Variants in MSLN observed in about 807,000 individuals in gnomAD.
MSLN encodes mesothelin, also known as CAK1 antigen.
In MSLN, 82 loss-of-function variants were observed where a neutral mutation model predicts 72.6. That is an observed-to-expected ratio of 1.13 (90% confidence interval 0.94 to 1.36). MSLN has a LOEUF of 1.36. MSLN is among the 40% of genes most tolerant of loss of function. The pLI, the probability that MSLN is intolerant of heterozygous loss-of-function variation, is 0.00. For missense variants in MSLN, 1,005 were observed against 847.9 expected (o/e 1.19, Z -2.30); for synonymous variants, 456 against 387.3 (o/e 1.18, Z -2.08).
intron 13 of MSLN, 70 bp downstream of exon 13, chr16:766,560 G>A: frequency 6.2e-7 from 1 of 1,609,168 alleles, no homozygotes; most frequent in Non-Finnish European, 8.5e-7. Flanking sequence ...GGGGGACAAA[G>A]CCTGAGGTTG....
intron 16 of MSLN, 53 bp downstream of exon 16, chr16:767,523 C>T (rs548944462): frequency 1.7e-4 from 131 of 764,106 alleles, no homozygotes; most frequent in South Asian, 2.2e-4. Flanking sequence ...GGAGGAGGGG[C>T]GAGTGGGAGG....
rs1306986468 is a variant in MSLN, at chr16:767,431, C to G, written c.1557C>G (p.Asp519Glu). 1 of 1,572,856 alleles carries G rather than the reference C, an allele frequency of 6.4e-7. No homozygotes were observed. Among genetic ancestry groups the G allele is most frequent in the Non-Finnish European group, 8.6e-7 (1 of 1,159,822 alleles). The change falls in exon 16 of 18, where the codon GAC (aspartate) becomes GAG (glutamate). Residue 519 changes from aspartate (D) to glutamate (E), a missense_variant. Transcript: ENST00000545450. Reference sequence around the variant, plus strand: ...TCAGTCAGCAGAATGTGAGCATGGACTTGGCCACGTTCATGAAGCTGCGGA... The same window carrying G: ...TCAGTCAGCAGAATGTGAGCATGGAGTTGGCCACGTTCATGAAGCTGCGGA... Reference protein sequence around the residue: ...KALSQQNVSMDLATFMKLRTD... With the variant: ...KALSQQNVSMELATFMKLRTD...
Position 765,240 on chromosome 16 carries a change from C to A in MSLN, c.641C>A (p.Pro214His), listed in dbSNP as rs755174160. The A allele has an allele frequency of 1.9e-6, 3 of 1,584,450 alleles. No individual in the cohort carries two copies. Among genetic ancestry groups the A allele is most frequent in the Admixed American group, 3.5e-5 (2 of 57,574 alleles). The change falls in exon 9 of 18, where the codon CCC becomes CAC. Residue 214 changes from proline (P) to histidine (H), a missense_variant. Transcript: ENST00000545450. ...CCCCGGCTGGTGAGCTGCCCGGGACCCCTGGACCAGGACCAGCAGGAGGCA... is the reference window on the plus strand; with the variant it reads ...CCCCGGCTGGTGAGCTGCCCGGGACACCTGGACCAGGACCAGCAGGAGGCA... The part of the protein sequence containing the change: ...LLPRLVSCPG[P>H]LDQDQQEAAR...
Position 766,564 on chromosome 16 carries a change from G to A in MSLN, c.1230+74G>A, listed in dbSNP as rs910086915. 16 of 1,608,832 alleles carry A rather than the reference G, an allele frequency of 9.9e-6. No individual in the cohort carries two copies. The Admixed American group carries it at 2.3e-4, about 23-fold the overall frequency. On this transcript the variant is annotated intron_variant, in intron 13 of 17. Coordinates refer to ENST00000545450, the MANE Select transcript of MSLN (RefSeq NM_005823.6). ...AGGGGCAGAGTGGGGGACAAAGCCT[G>A]AGGTTGGGCGGGCCTGGGGTCAGGG... is the stretch of plus-strand genomic sequence containing the variant.
rs763130228 is a variant in MSLN, at chr16:765,534, T to C, written c.712T>C (p.Ser238Pro). The C allele has an allele frequency of 1.2e-4, 198 of 1,605,408 alleles. No individual in the cohort carries two copies. The highest frequency in any genetic ancestry group is 1.6e-4 in the Non-Finnish European group (191 of 1,178,694). The change falls in exon 10 of 18, where the codon TCG becomes CCG. Residue 238 changes from serine (S) to proline (P), a missense_variant. Ser to Pro is a moderately conservative substitution (Grantham distance 74). Transcript: ENST00000545450. ...QGGGPPYGPP[S>P]TWSVSTMDAL... The stretch of plus-strand genomic sequence containing the variant: ...TGTCCCGTGTCTGCACAGCCCCCCG[T>C]CGACATGGTCTGTCTCCACGATGGA...
At chr16:765,370 T>C (rs7197395) in intron 9 of MSLN, 67 bp downstream of exon 9, 463,748 of 1,461,710 alleles carry the variant, frequency 0.32, 86,442 homozygotes, top group African/African-American at 0.8. Flanking sequence ...GTGAGGACAC[T>C]TGCGGCCATG....
At chr16:761,441 C>T (rs971597466) in intron 2 of MSLN, among the ~76,000 whole-genome samples, 3 of 152,216 alleles carry the variant, frequency 2.0e-5, no homozygotes, top group African/African-American at 7.2e-5. Context: ...CCATGGCCTG[C>T]AGAGGCCCCT....
chr16:762,232 C>T (rs1365424533), intron 2 of MSLN, among the ~76,000 whole-genome samples: 1 of 152,230 alleles, frequency 6.6e-6, no homozygotes, highest in Non-Finnish European at 1.5e-5. Flanking sequence ...CTGGGGTGTT[C>T]ACAAAGCCCA....
intron 4 of MSLN, 39 bp downstream of exon 4, chr16:763,315 G>T: frequency 6.8e-7 from 1 of 1,478,476 alleles, no homozygotes; most frequent in South Asian, 1.2e-5. Context: ...GGGTCTTCAG[G>T]TCCCAGGTGG....
intron 7 of MSLN, 26 bp from the exon 8 acceptor site, chr16:764,865 GTGTGATCAGTGCGGCC>G: frequency 6.2e-7 from 1 of 1,604,938 alleles, no homozygotes; most frequent in South Asian, 1.1e-5. Flanking sequence ...GTGGGGACGG[GTGTGATCAGTGCGGCC>G]TGTCCCCAGC....
intron 15 of MSLN, 148 bp downstream of exon 15, chr16:767,160 G>A (rs1187906408): frequency 3.0e-6 from 4 of 1,344,590 alleles, no homozygotes; most frequent in East Asian, 2.4e-5. Context: ...GGGTGTGTAT[G>A]GCCTTAGGGG....
intron 5 of MSLN, 122 bp from the exon 6 acceptor site, chr16:763,901 G>C: frequency 7.5e-7 from 1 of 1,341,418 alleles, no homozygotes; most frequent in Non-Finnish European, 1.0e-6. Context: ...GGTCTTGGGG[G>C]GAGGTCTGCA....
chr16:762,667 C>T lies in MSLN; in HGVS notation c.-9-5C>T, dbSNP rs1216246062. ...GGTCCCATCCTGAGTCACTGCCCTC[C>T]ACAGACACAGACCATGGCCTTGCCA... is the stretch of plus-strand genomic sequence containing the variant. On this transcript the variant is annotated splice_region_variant and splice_polypyrimidine_tract_variant and intron_variant, in intron 2 of 17. Transcript: ENST00000545450. 1 of 1,609,830 alleles carries T rather than the reference C, an allele frequency of 6.2e-7. No homozygotes were observed. Among genetic ancestry groups the T allele is most frequent in the Non-Finnish European group, 8.5e-7 (1 of 1,177,424 alleles).
At chr16:762,585 C>T in intron 2 of MSLN, 87 bp from the exon 3 acceptor site, 3 of 1,011,630 alleles carry the variant, frequency 3.0e-6, no homozygotes, top group Non-Finnish European at 4.6e-6. Context: ...GGGAGCCCCT[C>T]CTGGGCCCAT....
rs781541189 is a variant in MSLN, at chr16:768,842, G to T, written c.*109G>T. ...CAAGAGAACTCGCGCTCAGTAAACG[G>T]GAACATGCCCCCTGCAGACACGTCT... On this transcript the variant is annotated 3_prime_UTR_variant, in exon 18 of 18. Coordinates refer to ENST00000545450, the MANE Select transcript of MSLN (RefSeq NM_005823.6). 5 of 1,040,058 alleles carry T rather than the reference G, an allele frequency of 4.8e-6. No individual in the cohort carries two copies. In the South Asian group the frequency reaches 6.6e-5, roughly 14 times the overall value. The allele number at this position is 1,040,058 out of a possible 1,614,324, so 64.4% of individuals were successfully genotyped here. A position where few individuals can be genotyped will look rare whatever the true frequency, so the allele number is the denominator to read the frequency against.
Position 764,924 on chromosome 16 carries a change from G to A in MSLN, c.398G>A (p.Gly133Glu). Reference protein sequence around the residue: ...LLFLNPDAFSGPQACTRFFSR... With the variant: ...LLFLNPDAFSEPQACTRFFSR... ...CTTCACAGCCCAGATGCGTTCTCGG[G>A]GCCCCAGGCCTGCACCCGTTTCTTC... Residue 133 changes from glycine to glutamate, a missense_variant, in exon 8 of 18, where the codon GGG (glycine) becomes GAG (glutamate). Gly to Glu is a moderately conservative substitution (Grantham distance 98). Coordinates refer to ENST00000545450, the MANE Select transcript of MSLN (RefSeq NM_005823.6). 1.2e-6 allele frequency: 2 copies of A among 1,612,016 alleles called. No individual in the cohort carries two copies. Among genetic ancestry groups the A allele is most frequent in the Non-Finnish European group, 1.7e-6 (2 of 1,179,594 alleles).
chr16:768,451 CG>C lies in MSLN; in HGVS notation c.1670del (p.Arg557ProfsTer33). On this transcript the variant is annotated frameshift_variant, in exon 17 of 18. Coordinates refer to ENST00000545450, the MANE Select transcript of MSLN (RefSeq NM_005823.6). LOFTEE classifies it high-confidence loss of function. The stretch of plus-strand genomic sequence containing the variant: ...GGGCCTGAAGGCGGAGGAGCGGCAC[CG>C]CCCGGTGCGGGACTGGATCCTACGG... ...VEGLKAEERH[R>X]PVRDWILRQR... 1 of 1,536,692 alleles carries C rather than the reference CG, an allele frequency of 6.5e-7. No homozygotes were observed. Among genetic ancestry groups the C allele is most frequent in the Non-Finnish European group, 8.8e-7 (1 of 1,138,090 alleles).
chr16:761,000 C>T (rs1023994203), intron 1 of MSLN, 73 bp from the exon 2 acceptor site: 3 of 152,286 alleles, frequency 2.0e-5, no homozygotes, highest in Non-Finnish European at 4.4e-5. Context: ...TCACATCGCC[C>T]TTTAGAGGCC....
chr16:766,524 G>A (rs374290676), intron 13 of MSLN, 34 bp downstream of exon 13: 8 of 1,611,912 alleles, frequency 5.0e-6, no homozygotes, highest in Non-Finnish European at 6.8e-6. Flanking sequence ...TGTGGCATGA[G>A]ATTGGGAAGG....
Sources: gnomAD v4.1 joint callset for allele counts (sites outside exome capture counted in the v4.1 genomes callset) on GRCh38, gnomAD v4.1.1 for gene constraint, MANE v1.5 for transcripts, NCBI Gene and HGNC (gene_info 2026-07-23, HGNC 2026-07-21) for gene names.